UGT1A10: variants seen among roughly 807,000 people sequenced by gnomAD.
The protein encoded by UGT1A10 is UDP-glucuronosyltransferase 1A10.
A neutral mutation model predicts 45.8 loss-of-function variants in UGT1A10; 49 were observed. That is an observed-to-expected ratio of 1.07 (90% CI 0.85 to 1.36). The LOEUF (loss-of-function observed/expected upper bound fraction) is 1.36, where lower values mean the gene tolerates loss of function less well. UGT1A10 is among the 40% of genes most tolerant of loss of function. The pLI is 0.00. For synonymous variants in UGT1A10, 284 were observed against 249.7 expected, an observed-to-expected ratio of 1.14 and a Z score of -1.29; for missense variants, 745 against 668.6, an observed-to-expected ratio of 1.11 and a Z score of -1.26.
chr2:233,648,070 A>G (rs2073647073), intron 1 of UGT1A10: 1 of 1,548,434 alleles, frequency 6.5e-7, no homozygotes, highest in African/African-American at 1.4e-5. Flanking sequence ...GACTTCTTCA[A>G]CCTTATACAC....
chr2:233,724,971 C>T (rs1371769482), intron 1 of UGT1A10, among the ~76,000 whole-genome samples: 9 of 135,368 alleles, frequency 6.6e-5, no homozygotes, highest in African/African-American at 2.7e-4. Context: ...CCGAGGTTGG[C>T]GGATCACTCG....
intron 1 of UGT1A10, chr2:233,690,950 T>C (rs2075022597): frequency 1.4e-5 from 14 of 1,011,308 alleles, no homozygotes; most frequent in Non-Finnish European, 1.7e-5. Context: ...TCATGTTCTG[T>C]AGGGACTTCT....
At chr2:233,729,488 C>T (rs768406163) in intron 1 of UGT1A10, 3 of 1,614,180 alleles carry the variant, frequency 1.9e-6, no homozygotes, top group South Asian at 2.2e-5. Context: ...AACAATATGT[C>T]TTTGGTCTAT....
At chr2:233,739,468 AC>A (rs1365690931) in intron 1 of UGT1A10, among the ~76,000 whole-genome samples, 1 of 152,200 alleles carries the variant, frequency 6.6e-6, no homozygotes, top group Non-Finnish European at 1.5e-5. Flanking sequence ...GCTGCCTGAG[AC>A]CGTGGGAGCC....
chr2:233,729,561 C>A (rs760200392), intron 1 of UGT1A10: 3 of 1,614,102 alleles, frequency 1.9e-6, no homozygotes, highest in Non-Finnish European at 2.5e-6. Flanking sequence ...ATGCTACTTC[C>A]TTTGATGTGG....
In UGT1A10 at chr2:233,768,310, C is replaced by G; in HGVS notation, c.1166C>G (p.Pro389Arg). 6.2e-7 allele frequency: 1 copy of G among 1,614,060 alleles called. No homozygotes were observed. Among genetic ancestry groups the G allele is most frequent in the Non-Finnish European group, 8.5e-7 (1 of 1,180,018 alleles). ...ICNGVPMVMM[P>R]LFGDQMDNAK... ...AATGGCGTTCCCATGGTGATGATGC[C>G]CTTGTTTGGTGATCAGATGGACAAT... The change falls in exon 4 of 5, where the codon CCC becomes CGC. Residue 389 changes from proline to arginine, a missense_variant. Physicochemically the swap from Pro to Arg is moderately radical, Grantham distance 103. Coordinates refer to ENST00000344644, the MANE Select transcript of UGT1A10 (RefSeq NM_019075.4).
intron 1 of UGT1A10, among the ~76,000 whole-genome samples, chr2:233,750,198 C>T (rs914711353): frequency 6.6e-6 from 1 of 151,796 alleles, no homozygotes; most frequent in African/African-American, 2.4e-5. Context: ...ACAATGAAGT[C>T]CAGGCTGAGT....
chr2:233,642,111 C>T (rs769264413), intron 1 of UGT1A10, among the ~76,000 whole-genome samples: 17 of 152,168 alleles, frequency 1.1e-4, no homozygotes, highest in Admixed American at 1.3e-4. Context: ...CTATCTCTTT[C>T]TCTACCTCCA....
In UGT1A10 at chr2:233,724,982, C is replaced by T. The variant is rs1242883505; in HGVS notation, c.856-42052C>T. 2.1e-4 allele frequency among the ~76,000 whole-genome samples: 28 copies of T among 134,856 alleles called. 1 individual carries two copies. The highest frequency in any genetic ancestry group is 3.3e-4 in the Non-Finnish European group (21 of 62,878). The allele number at this position is 134,856 out of a possible 152,430, so 88.5% of individuals were successfully genotyped here. A position where few individuals can be genotyped will look rare whatever the true frequency, so the allele number is the denominator to read the frequency against. On this transcript the variant is annotated intron_variant, in intron 1 of 4. Coordinates refer to ENST00000344644, the MANE Select transcript of UGT1A10 (RefSeq NM_019075.4). ...GAGGCCGAGGTTGGCGGATCACTCGCGGTTAGGGGCTGGAGACCGGCCCGG... is the reference window on the plus strand; with the variant it reads ...GAGGCCGAGGTTGGCGGATCACTCGTGGTTAGGGGCTGGAGACCGGCCCGG...
At chr2:233,719,054 A>G (rs1258988641) in intron 1 of UGT1A10, 3 of 1,614,260 alleles carry the variant, frequency 1.9e-6, no homozygotes, top group Non-Finnish European at 2.5e-6. Flanking sequence ...TCACCCTGAC[A>G]GCCTATGCTG....
intron 1 of UGT1A10, chr2:233,756,443 C>T (rs1181894650): frequency 6.6e-6 from 1 of 151,696 alleles, no homozygotes; most frequent in Non-Finnish European, 1.5e-5. Flanking sequence ...ATTGTTGTTC[C>T]CCCCAAATAT....
At chr2:233,767,553 A>C (rs1463279318) in intron 2 of UGT1A10, among the ~76,000 whole-genome samples, 1 of 152,268 alleles carries the variant, frequency 6.6e-6, no homozygotes, top group Non-Finnish European at 1.5e-5. Flanking sequence ...ATAGTTCTGC[A>C]TCCACTTGTT....
At position 233,681,958 on chromosome 2, in the gene UGT1A10, T is replaced by C. The variant is rs1348349529; in HGVS notation, c.855+44581T>C. 4 of 1,613,906 alleles carry C rather than the reference T, an allele frequency of 2.5e-6. No individual in the cohort carries two copies. In the African/African-American group the frequency reaches 4.0e-5, roughly 16 times the overall value. On this transcript the variant is annotated intron_variant, in intron 1 of 4. Coordinates refer to ENST00000344644, the MANE Select transcript of UGT1A10 (RefSeq NM_019075.4). ...CTCTGATGGCTCGTGCAGGGTGGAC[T>C]GGCCTCCTTCCCCTATATGTGTGTC...
rs575340312 is a variant in UGT1A10, at chr2:233,701,661, A to G, written c.855+64284A>G. ...CAAACTGTCTCTCAGACCACAGTGC[A>G]ATCAAACTAGAACTCAGAATTAAGA... On this transcript the variant is annotated intron_variant, in intron 1 of 4. Transcript: ENST00000344644. Among the ~76,000 whole-genome samples, 9 of 152,370 alleles carry G rather than the reference A, an allele frequency of 5.9e-5. No homozygotes were observed. The East Asian group carries it at 1.3e-3, about 23-fold the overall frequency.
At chr2:233,708,998 T>C (rs1323925794) in intron 1 of UGT1A10, among the ~76,000 whole-genome samples, 1 of 152,178 alleles carries the variant, frequency 6.6e-6, no homozygotes, top group Non-Finnish European at 1.5e-5. Context: ...GGCATCCTTC[T>C]CAGTGTCATA....
intron 1 of UGT1A10, among the ~76,000 whole-genome samples, chr2:233,731,608 A>C (rs2078181634): frequency 6.6e-6 from 1 of 152,230 alleles, no homozygotes. Context: ...TGCAAAGGAC[A>C]TGAACTCATC....
At chr2:233,654,083 C>G (rs1017191359) in intron 1 of UGT1A10, among the ~76,000 whole-genome samples, 2 of 152,180 alleles carry the variant, frequency 1.3e-5, no homozygotes, top group African/African-American at 4.8e-5. Context: ...TACACAGTCT[C>G]TGCCTTCAGT....
intron 1 of UGT1A10, chr2:233,747,525 C>A: frequency 6.2e-7 from 1 of 1,605,956 alleles, no homozygotes; most frequent in Non-Finnish European, 8.5e-7. Flanking sequence ...TGAAACAGAA[C>A]ATTTTCTGAA....
At chr2:233,729,139 C>G (rs527426104) in intron 1 of UGT1A10, 1 of 1,613,374 alleles carries the variant, frequency 6.2e-7, no homozygotes, top group Admixed American at 1.7e-5. Context: ...GGCCACAGGA[C>G]TCCAGGTTCC....
Sources: allele counts gnomAD v4.1 joint callset (sites outside exome capture counted in the v4.1 genomes callset), GRCh38; gene constraint gnomAD v4.1.1; transcripts MANE v1.5; gene names NCBI Gene and HGNC (gene_info 2026-07-23, HGNC 2026-07-21).